The following RBM20 variants were observed in gnomAD, a reference collection of about 807,000 sequenced individuals.
The protein encoded by RBM20 is RNA binding motif protein 20.
In RBM20, 51 loss-of-function variants were observed where a neutral mutation model predicts 110.1. The ratio of observed to expected loss-of-function variants is 0.46; its 90% CI spans 0.37 to 0.59. The LOEUF (loss-of-function observed/expected upper bound fraction) is 0.59. Ranked by LOEUF, RBM20 falls within the 20% of genes least tolerant of loss-of-function variation. The pLI is 0.00. For missense variants in RBM20, 1,512 were observed against 1,574.9 expected, an observed-to-expected ratio of 0.96 and a Z score of 0.68; for synonymous variants, 589 against 618.2, an observed-to-expected ratio of 0.95 and a Z score of 0.70.
At chr10:110,716,035 C>T (rs1285794405) in intron 1 of RBM20, among the ~76,000 whole-genome samples, 1 of 152,186 alleles carries the variant, frequency 6.6e-6, no homozygotes, top group Admixed American at 6.5e-5. Context: ...GCAAAGTTGT[C>T]TCAGGAAGTA....
At chr10:110,720,113 A>G (rs981439533) in intron 1 of RBM20, among the ~76,000 whole-genome samples, 1 of 152,046 alleles carries the variant, frequency 6.6e-6, no homozygotes, top group Admixed American at 6.6e-5. Flanking sequence ...TGACCTAATC[A>G]CCTCCTAAAG....
At chr10:110,772,944 C>T (rs1425485167) in intron 1 of RBM20, among the ~76,000 whole-genome samples, 2 of 152,132 alleles carry the variant, frequency 1.3e-5, no homozygotes, top group East Asian at 3.8e-4. Flanking sequence ...GTGAAGGGAC[C>T]TTAGAGATCC....
intron 1 of RBM20, among the ~76,000 whole-genome samples, chr10:110,690,933 G>C (rs1371886656): frequency 6.6e-6 from 1 of 152,156 alleles, no homozygotes; most frequent in Non-Finnish European, 1.5e-5. Flanking sequence ...CATATACCTA[G>C]GAACAGAATT....
intron 1 of RBM20, among the ~76,000 whole-genome samples, chr10:110,692,630 T>TTG (rs137929844): frequency 0.17 from 26,465 of 151,326 alleles, 2,513 homozygotes; most frequent in East Asian, 0.3. Flanking sequence ...GCTATAACCA[T>TTG]TGTGTGTGTG....
chr10:110,769,248 A>G (rs933677445), intron 1 of RBM20, among the ~76,000 whole-genome samples: 1 of 150,022 alleles, frequency 6.7e-6, no homozygotes, highest in African/African-American at 2.5e-5. Flanking sequence ...GACTTTATCA[A>G]CAACCTTTTT....
chr10:110,824,367 C>A (rs1036134894), intron 12 of RBM20, among the ~76,000 whole-genome samples: 3 of 152,170 alleles, frequency 2.0e-5, no homozygotes, highest in Admixed American at 2.0e-4. Context: ...CTTTAAAGGA[C>A]CAACTTTTCT....
intron 1 of RBM20, among the ~76,000 whole-genome samples, chr10:110,697,452 C>T (rs1862682781): frequency 6.6e-6 from 1 of 152,228 alleles, no homozygotes; most frequent in Non-Finnish European, 1.5e-5. Flanking sequence ...CCTTGGTTCA[C>T]TCTTCAGTGT....
At chr10:110,793,815 A>G (rs1844514544) in intron 5 of RBM20, among the ~76,000 whole-genome samples, 1 of 152,264 alleles carries the variant, frequency 6.6e-6, no homozygotes, top group African/African-American at 2.4e-5. Context: ...CCTCAGGCCA[A>G]ATTGAATTTA....
At position 110,836,804 on chromosome 10, in the gene RBM20, G is replaced by A. The variant is rs60811861; in HGVS notation, c.*826G>A. The A allele has an allele frequency of 6.6e-6, 1 of 152,266 alleles. No individual in the cohort carries two copies. The highest frequency in any genetic ancestry group is 2.4e-5 in the African/African-American group (1 of 41,550). The allele number at this position is 152,266 out of a possible 1,614,324, so 9.4% of individuals were successfully genotyped here. A position where few individuals can be genotyped will look rare whatever the true frequency, so the allele number is the denominator to read the frequency against. On this transcript the variant is annotated 3_prime_UTR_variant, in exon 14 of 14. Coordinates refer to ENST00000369519, the MANE Select transcript of RBM20 (RefSeq NM_001134363.3). ...TTTTTCTATTCTGGACAATGAATTT[G>A]GTACAGAGTCACTGTAATTAAATAT... is the stretch of plus-strand genomic sequence containing the variant.
At chr10:110,835,091 AC>A (rs1469438467) in intron 13 of RBM20, 3 of 152,178 alleles carry the variant, frequency 2.0e-5, no homozygotes, top group African/African-American at 7.2e-5. Flanking sequence ...GCTGTTTTGC[AC>A]AATTGCCATA....
intron 7 of RBM20, among the ~76,000 whole-genome samples, chr10:110,808,931 T>G (rs1224213135): frequency 1.3e-5 from 2 of 152,148 alleles, no homozygotes; most frequent in African/African-American, 4.8e-5. Context: ...ATTGCATGAT[T>G]TAGCTGGGCG....
At chr10:110,744,239 C>G (rs765142181) in intron 1 of RBM20, among the ~76,000 whole-genome samples, 1 of 152,174 alleles carries the variant, frequency 6.6e-6, no homozygotes, top group African/African-American at 2.4e-5. Flanking sequence ...AGCACAGTGC[C>G]TGGCACACAG....
Position 110,763,751 on chromosome 10 carries a change from CT to C in RBM20, c.192-17026del, listed in dbSNP as rs56845100. On this transcript the variant is annotated intron_variant, in intron 1 of 13. Coordinates refer to ENST00000369519, the MANE Select transcript of RBM20 (RefSeq NM_001134363.3). Reference sequence around the variant, plus strand: ...TTCCTCACAGAGAGGGGCTTCTTGGCTTTTTTTTTTTTTTTTTTTTTTTTGG... The same window carrying C: ...TTCCTCACAGAGAGGGGCTTCTTGGCTTTTTTTTTTTTTTTTTTTTTTTGG... Among the ~76,000 whole-genome samples the C allele has an allele frequency of 9.1e-3, 588 of 64,408 alleles. 3 individuals are homozygous for C. The highest frequency in any genetic ancestry group is 0.027 in the African/African-American group (435 of 15,868). The allele number at this position is 64,408 out of a possible 152,430, so 42.3% of individuals were successfully genotyped here. A position where few individuals can be genotyped will look rare whatever the true frequency, so the allele number is the denominator to read the frequency against.
intron 1 of RBM20, among the ~76,000 whole-genome samples, chr10:110,752,566 TAAG>T (rs573760859): frequency 1.1e-4 from 16 of 152,362 alleles, no homozygotes; most frequent in Admixed American, 2.0e-4. Context: ...AACACTGAAC[TAAG>T]AAGATTTCTG....
intron 1 of RBM20, among the ~76,000 whole-genome samples, chr10:110,775,245 C>G (rs184478513): frequency 4.6e-5 from 7 of 152,316 alleles, no homozygotes; most frequent in Admixed American, 2.6e-4. Context: ...CGATTACTTT[C>G]TATATTTTAG....
chr10:110,644,616 C>T lies in RBM20; in HGVS notation c.162C>T (p.Pro54=). 1.3e-6 allele frequency: 2 copies of T among 1,518,252 alleles called. No individual in the cohort carries two copies. Among genetic ancestry groups the T allele is most frequent in the Non-Finnish European group, 8.8e-7 (1 of 1,136,672 alleles). The allele number at this position is 1,518,252 out of a possible 1,614,324, so 94.0% of individuals were successfully genotyped here. A position where few individuals can be genotyped will look rare whatever the true frequency, so the allele number is the denominator to read the frequency against. ...CGCCGCCCCAGCCACCGCCCCCGCC[C>T]CAAGCCGGCCTACCCCAGATCATCC... ...PPPPPQPPPP[P]QAGLPQIIQN... The change falls in exon 1 of 14, where the codon CCC becomes CCT. Residue 54 remains proline (P), a synonymous_variant. Transcript: ENST00000369519. This position sits in a 1 kb window ranked among gnomAD's most constrained non-coding sequence, Gnocchi z 4.3.
At chr10:110,652,319 C>T (rs573277473) in intron 1 of RBM20, among the ~76,000 whole-genome samples, 4 of 152,284 alleles carry the variant, frequency 2.6e-5, no homozygotes, top group African/African-American at 4.8e-5. Flanking sequence ...ATGTAAAGAA[C>T]ATTAACAGTA....
intron 1 of RBM20, among the ~76,000 whole-genome samples, chr10:110,651,686 C>G (rs1055864359): frequency 3.3e-5 from 5 of 152,182 alleles, no homozygotes; most frequent in Non-Finnish European, 7.3e-5. Flanking sequence ...TGCAGGGACT[C>G]CTGAACCGTG....
At chr10:110,817,350 A>G (rs1207158720) in intron 9 of RBM20, among the ~76,000 whole-genome samples, 1 of 152,234 alleles carries the variant, frequency 6.6e-6, no homozygotes, top group Non-Finnish European at 1.5e-5. Context: ...GATGCCATCT[A>G]GAAGCCCCAG....
Sources: allele counts gnomAD v4.1 joint callset (sites outside exome capture counted in the v4.1 genomes callset), GRCh38; gene constraint gnomAD v4.1.1; non-coding constraint Gnocchi (gnomAD v3.1); transcripts MANE v1.5; gene names NCBI Gene and HGNC (gene_info 2026-07-23, HGNC 2026-07-21).